Variants in PAAF1 observed in about 807,000 individuals in gnomAD.
PAAF1 encodes proteasomal ATPase associated factor 1.
In PAAF1, 46 loss-of-function variants were observed where a neutral mutation model predicts 52.8. That is an observed-to-expected ratio of 0.87 (90% confidence interval 0.69 to 1.11). The LOEUF (loss-of-function observed/expected upper bound fraction) is 1.11, where lower values mean the gene tolerates loss of function less well. PAAF1 is among the 50% of genes most tolerant of loss of function. PAAF1 has a pLI of 0.00. For missense variants in PAAF1, 424 were observed against 477.4 expected (o/e 0.89, Z 1.04); for synonymous variants, 178 against 172.8 (o/e 1.03, Z -0.24).
At chr11:73,877,634 C>CT (rs766956442) in intron 1 of PAAF1, among the ~76,000 whole-genome samples, 26 of 152,216 alleles carry the variant, frequency 1.7e-4, no homozygotes, top group Non-Finnish European at 3.7e-4. Flanking sequence ...GCCTGTAATC[C>CT]CAGCACTTTG....
intron 6 of PAAF1, among the ~76,000 whole-genome samples, chr11:73,901,885 T>C (rs1949625045): frequency 6.6e-6 from 1 of 150,628 alleles, no homozygotes. Flanking sequence ...TTTTTTTTTT[T>C]TTTTAGTTTC....
intron 2 of PAAF1, among the ~76,000 whole-genome samples, chr11:73,883,886 C>T (rs1948985247): frequency 6.6e-6 from 1 of 152,048 alleles, no homozygotes. Flanking sequence ...TATGGATATA[C>T]TACATTTTGT....
chr11:73,905,183 A>C (rs1949723516), intron 6 of PAAF1, among the ~76,000 whole-genome samples: 1 of 152,074 alleles, frequency 6.6e-6, no homozygotes, highest in Non-Finnish European at 1.5e-5. Context: ...GGTAAGTCTT[A>C]GCTATGGCTG....
In PAAF1 at chr11:73,928,612, GAA is replaced by G. The variant is rs756084741; in HGVS notation, c.*1253_*1254del. On this transcript the variant is annotated 3_prime_UTR_variant, in exon 12 of 12. Transcript: ENST00000310571. The stretch of plus-strand genomic sequence containing the variant: ...TATTTATATTTTTGAGATTATTAGA[GAA>G]AAGTTTCTTGAAAGATGTAACACTT... 3 of 152,184 alleles carry G rather than the reference GAA, an allele frequency of 2.0e-5. No homozygotes were observed. Among genetic ancestry groups the G allele is most frequent in the African/African-American group, 4.8e-5 (2 of 41,446 alleles). The allele number at this position is 152,184 out of a possible 1,614,324, so 9.4% of individuals were successfully genotyped here. A position where few individuals can be genotyped will look rare whatever the true frequency, so the allele number is the denominator to read the frequency against.
rs1175346004 is a variant in PAAF1, at chr11:73,930,925, T to TA, written c.*3564dup. 2 of 151,860 alleles carry TA rather than the reference T, an allele frequency of 1.3e-5. No individual in the cohort carries two copies. Among genetic ancestry groups the TA allele is most frequent in the Non-Finnish European group, 2.9e-5 (2 of 67,960 alleles). The allele number at this position is 151,860 out of a possible 1,614,324, so 9.4% of individuals were successfully genotyped here. On this transcript the variant is annotated 3_prime_UTR_variant, in exon 12 of 12. Coordinates refer to ENST00000310571, the MANE Select transcript of PAAF1 (RefSeq NM_025155.3). Reference sequence around the variant, plus strand: ...TTTTGAGATCTATTGCATAGCATGGTAGATTGCTAAGAGTAAATTTCAAAT... The same window carrying TA: ...TTTTGAGATCTATTGCATAGCATGGTAAGATTGCTAAGAGTAAATTTCAAAT...
intron 9 of PAAF1, among the ~76,000 whole-genome samples, chr11:73,918,213 T>A (rs1380882318): frequency 6.6e-6 from 1 of 152,160 alleles, no homozygotes; most frequent in Non-Finnish European, 1.5e-5. Context: ...ATGAGGGCAG[T>A]GGTGAGAAGT....
intron 6 of PAAF1, among the ~76,000 whole-genome samples, chr11:73,905,987 T>G (rs779722763): frequency 6.6e-6 from 1 of 152,206 alleles, no homozygotes; most frequent in Non-Finnish European, 1.5e-5. Flanking sequence ...TCTTAAAAGC[T>G]CTAAGATACT....
chr11:73,886,472 G>A (rs775560816), intron 2 of PAAF1, among the ~76,000 whole-genome samples: 14 of 151,946 alleles, frequency 9.2e-5, no homozygotes, highest in African/African-American at 3.4e-4. Flanking sequence ...TCAGGAGATC[G>A]AGTCCATTCT....
At chr11:73,916,413 T>C (rs1950065426) in intron 8 of PAAF1, 132 bp from the exon 9 acceptor site, 1 of 627,724 alleles carries the variant, frequency 1.6e-6, no homozygotes, top group African/African-American at 1.8e-5. Flanking sequence ...TAATTTACCA[T>C]TTGAGAATAA....
At chr11:73,913,748 AAAG>A (rs1949994467) in intron 7 of PAAF1, among the ~76,000 whole-genome samples, 1 of 152,204 alleles carries the variant, frequency 6.6e-6, no homozygotes, top group African/African-American at 2.4e-5. Flanking sequence ...AGTAGGCCCT[AAAG>A]AAATATTTGG....
In PAAF1 at chr11:73,918,953, T is replaced by C. The variant is rs1950141006; in HGVS notation, c.939T>C (p.Ala313=). The change falls in exon 10 of 12, where the codon GCT becomes GCC. Residue 313 remains alanine, a synonymous_variant. Transcript: ENST00000310571. ...TTCCCCTTTCTCTGAATCCTAGGGC[T>C]CCGGTACAAGTCATCCACAGATCAG... ...IYQLDVRSPR[A]PVQVIHRSGA... 6.2e-7 allele frequency: 1 copy of C among 1,612,102 alleles called. No homozygotes were observed. Among genetic ancestry groups the C allele is most frequent in the Non-Finnish European group, 8.5e-7 (1 of 1,179,492 alleles).
At position 73,897,205 on chromosome 11, in the gene PAAF1, C is replaced by T. The variant is rs1316659373; in HGVS notation, c.283-1941C>T. On this transcript the variant is annotated intron_variant, in intron 4 of 11. Transcript: ENST00000310571. ...GGGGCTGACCCCCCCACCTCCCTCC[C>T]GGACGGGGCGGCTGGCCGGGCGGGG... 3.8e-4 allele frequency among the ~76,000 whole-genome samples: 51 copies of T among 134,132 alleles called. 1 individual carries two copies. The highest frequency in any genetic ancestry group is 1.5e-3 in the African/African-American group (49 of 33,440). 88.0% of individuals were successfully genotyped at this position (134,132 alleles called of 152,430 possible).
intron 7 of PAAF1, among the ~76,000 whole-genome samples, chr11:73,910,822 C>G (rs1406455384): frequency 1.3e-5 from 2 of 151,938 alleles, no homozygotes; most frequent in East Asian, 3.9e-4. Context: ...AACCCCATCT[C>G]TACTAAAAAT....
Position 73,921,135 on chromosome 11 carries a change from A to G in PAAF1, c.1018+2103A>G, listed in dbSNP as rs1215577316. 3.3e-5 allele frequency among the ~76,000 whole-genome samples: 5 copies of G among 152,042 alleles called. 1 individual carries two copies. The South Asian group carries it at 8.3e-4, about 25-fold the overall frequency. On this transcript the variant is annotated intron_variant, in intron 10 of 11. Coordinates refer to ENST00000310571, the MANE Select transcript of PAAF1 (RefSeq NM_025155.3). ...GCCAACATAGCGAAACGCCATCTCT[A>G]CTAAAAATACCAATATTAGCTAGGC... is the stretch of plus-strand genomic sequence containing the variant.
At chr11:73,881,588 T>TA (rs531810825) in intron 2 of PAAF1, among the ~76,000 whole-genome samples, 427 of 152,178 alleles carry the variant, frequency 2.8e-3, no homozygotes, top group African/African-American at 9.9e-3. Flanking sequence ...GCCCCCGGCC[T>TA]AAAACAGTTT....
intron 11 of PAAF1, among the ~76,000 whole-genome samples, chr11:73,925,019 G>A (rs1468049455): frequency 6.6e-6 from 1 of 151,962 alleles, no homozygotes; most frequent in African/African-American, 2.4e-5. Context: ...GCTGGGCGTG[G>A]TGGTACATGC....
chr11:73,918,526 G>A (rs1443740146), intron 9 of PAAF1, among the ~76,000 whole-genome samples: 1 of 149,582 alleles, frequency 6.7e-6, no homozygotes, highest in East Asian at 1.9e-4. Flanking sequence ...GCCCAGGTTG[G>A]AGTGCAGTGG....
chr11:73,918,851 A>G, intron 9 of PAAF1, 99 bp from the exon 10 acceptor site: 2 of 825,378 alleles, frequency 2.4e-6, no homozygotes, highest in Non-Finnish European at 3.9e-6. Context: ...TTCACATTTT[A>G]TCCTGTTTGC....
chr11:73,880,956 T>C (rs2135122887), intron 2 of PAAF1, among the ~76,000 whole-genome samples: 1 of 152,156 alleles, frequency 6.6e-6, no homozygotes. Flanking sequence ...GTGGAGATCG[T>C]GCCATTGCAC....
Sources: allele counts gnomAD v4.1 joint callset (sites outside exome capture counted in the v4.1 genomes callset), GRCh38; gene constraint gnomAD v4.1.1; transcripts MANE v1.5; gene names NCBI Gene and HGNC (gene_info 2026-07-23, HGNC 2026-07-21).